The following UGT2A2 variants were observed in gnomAD, a reference collection of about 807,000 sequenced individuals.
UGT2A2 encodes UDP-glucuronosyltransferase 2A2.
A neutral mutation model predicts 50.7 loss-of-function variants in UGT2A2; 60 were observed. That is an observed-to-expected ratio of 1.18 (90% CI 0.96 to 1.47). The LOEUF (loss-of-function observed/expected upper bound fraction) is 1.47, where lower values mean the gene tolerates loss of function less well. Among genes scored for constraint, UGT2A2 ranks in the 40% most tolerant of loss-of-function variants. The pLI is 0.00. For synonymous variants in UGT2A2, 242 were observed against 214.6 expected (o/e 1.13, Z -1.11); for missense variants, 762 against 634.0 (o/e 1.20, Z -2.17).
intron 1 of UGT2A2, among the ~76,000 whole-genome samples, chr4:69,628,463 G>A (rs1419089054): frequency 6.6e-6 from 1 of 151,546 alleles, no homozygotes; most frequent in Non-Finnish European, 1.5e-5. Flanking sequence ...TGGTCAGCTG[G>A]TCTTTCAACA....
At chr4:69,610,286 T>C (rs1013563920) in intron 1 of UGT2A2, among the ~76,000 whole-genome samples, 3 of 152,150 alleles carry the variant, frequency 2.0e-5, no homozygotes, top group Non-Finnish European at 2.9e-5. Flanking sequence ...CTTATGTCTC[T>C]AGTATGAAGC....
chr4:69,622,393 C>T (rs990766128), intron 1 of UGT2A2, among the ~76,000 whole-genome samples: 8 of 151,318 alleles, frequency 5.3e-5, no homozygotes, highest in Admixed American at 4.0e-4. Flanking sequence ...GGAAAAAATA[C>T]GAATTATTTA....
intron 1 of UGT2A2, among the ~76,000 whole-genome samples, chr4:69,627,345 T>A (rs1288253443): frequency 6.6e-6 from 1 of 151,800 alleles, no homozygotes; most frequent in African/African-American, 2.4e-5. Flanking sequence ...ATTAAAACAG[T>A]ACTACTAGAC....
At chr4:69,598,468 T>A (rs1719065108) in intron 2 of UGT2A2, among the ~76,000 whole-genome samples, 1 of 152,112 alleles carries the variant, frequency 6.6e-6, no homozygotes, top group African/African-American at 2.4e-5. Flanking sequence ...TATTGTAGCA[T>A]ACAATTTCCT....
Position 69,596,313 on chromosome 4 carries a change from G to A in UGT2A2, c.960C>T (p.Val320=), listed in dbSNP as rs1230146326. ...TGGCCTTTTCTTCTGTAAGGTTTTTGACCATTGATCCCAGAGAAAACACCA... is the reference window on the plus strand; with the variant it reads ...TGGCCTTTTCTTCTGTAAGGTTTTTAACCATTGATCCCAGAGAAAACACCA... ...GVVVFSLGSM[V]KNLTEEKANL... is the part of the protein sequence containing the mutation. The change falls in exon 3 of 6, where the codon GTC becomes GTT. Residue 320 remains valine (V), a synonymous_variant. Transcript: ENST00000604629. 1 of 1,608,352 alleles carries A rather than the reference G, an allele frequency of 6.2e-7. No individual in the cohort carries two copies. The highest frequency in any genetic ancestry group is 8.5e-7 in the Non-Finnish European group (1 of 1,176,612).
chr4:69,632,089 C>T (rs1033497070), intron 1 of UGT2A2, among the ~76,000 whole-genome samples: 5 of 152,074 alleles, frequency 3.3e-5, no homozygotes, highest in African/African-American at 9.6e-5. Flanking sequence ...AAGAGATTCA[C>T]GAAAATGAAA....
chr4:69,596,519 G>C (rs867326557), intron 2 of UGT2A2, 138 bp from the exon 3 acceptor site: 9 of 1,241,184 alleles, frequency 7.3e-6, no homozygotes, highest in African/African-American at 6.2e-5. Context: ...CATGTAGAAA[G>C]ATCTAGTTTC....
chr4:69,596,361 C>A lies in UGT2A2; in HGVS notation c.912G>T (p.Gln304His), dbSNP rs750566755. The A allele has an allele frequency of 6.2e-7, 1 of 1,600,336 alleles. No individual in the cohort carries two copies. Among genetic ancestry groups the A allele is most frequent in the Non-Finnish European group, 8.5e-7 (1 of 1,172,760 alleles). Residue 304 changes from glutamine (Q) to histidine (H), a missense_variant, in exon 3 of 6, where the codon CAG becomes CAT. Coordinates refer to ENST00000604629, the MANE Select transcript of UGT2A2 (RefSeq NM_001105677.2). The part of the protein sequence containing the change: ...PLPKEMEEFI[Q>H]SSGKNGVVVF... ...CCACAACACCATTTTTACCTGAGCT[C>A]TGGATAAATTCTTCCATTTCCTGCA...
At chr4:69,603,140 T>C (rs1002801394) in intron 1 of UGT2A2, among the ~76,000 whole-genome samples, 1 of 137,168 alleles carries the variant, frequency 7.3e-6, no homozygotes, top group Non-Finnish European at 1.6e-5. Flanking sequence ...CATAAACCTT[T>C]ACAATTGTTG....
In UGT2A2 at chr4:69,594,494, T is replaced by C; in HGVS notation, c.1314A>G (p.Thr438=). 6.2e-7 allele frequency: 1 copy of C among 1,614,180 alleles called. No homozygotes were observed. Among genetic ancestry groups the C allele is most frequent in the East Asian group, 2.2e-5 (1 of 44,870 alleles). The stretch of plus-strand genomic sequence containing the variant: ...GTACTTACGAAGGTTCATTAATGAC[T>C]GTTCTCAAAGCGCTAAGCAAATCCA... The part of the protein sequence containing the change: ...TSVDLLSALR[T]VINEPSYKEN... Residue 438 remains threonine, a synonymous_variant, in exon 5 of 6, where the codon ACA becomes ACG. Transcript: ENST00000604629.
At chr4:69,638,428 T>G (rs1047585763) in intron 1 of UGT2A2, among the ~76,000 whole-genome samples, 1 of 152,104 alleles carries the variant, frequency 6.6e-6, no homozygotes, top group Non-Finnish European at 1.5e-5. Context: ...TGTGTAAAGA[T>G]AGAGAGACAG....
At chr4:69,592,520 A>C (rs529967199) in intron 5 of UGT2A2, among the ~76,000 whole-genome samples, 31 of 152,328 alleles carry the variant, frequency 2.0e-4, no homozygotes, top group Non-Finnish European at 3.5e-4. Flanking sequence ...GGAAGTGATA[A>C]GGAGATAGGT....
chr4:69,625,552 T>G (rs542197267), intron 1 of UGT2A2, among the ~76,000 whole-genome samples: 1 of 151,350 alleles, frequency 6.6e-6, no homozygotes, highest in Non-Finnish European at 1.5e-5. Flanking sequence ...TACTATCCAA[T>G]GTATTTTTAA....
chr4:69,626,643 A>C (rs1721074929), intron 1 of UGT2A2, among the ~76,000 whole-genome samples: 1 of 148,968 alleles, frequency 6.7e-6, no homozygotes. Context: ...TGAAAGCAGA[A>C]GATAAAAAAT....
intron 1 of UGT2A2, among the ~76,000 whole-genome samples, chr4:69,600,728 A>G (rs1719233773): frequency 6.6e-6 from 1 of 152,082 alleles, no homozygotes; most frequent in Non-Finnish European, 1.5e-5. Flanking sequence ...TAATCATGGC[A>G]GAAGGCAACA....
rs947939024 is a variant in UGT2A2, at chr4:69,596,599, T to G, written c.892-218A>C. 5.9e-5 allele frequency among the ~76,000 whole-genome samples: 9 copies of G among 152,302 alleles called. No individual in the cohort carries two copies. In the East Asian group the frequency reaches 1.5e-3, roughly 26 times the overall value. On this transcript the variant is annotated intron_variant, in intron 2 of 5. Coordinates refer to ENST00000604629, the MANE Select transcript of UGT2A2 (RefSeq NM_001105677.2). ...GCGCAGTGGCATGATCTCTGCTCAC[T>G]GCAACCTCACCTCCCCGGTTCAAGT... is the stretch of plus-strand genomic sequence containing the variant.
chr4:69,626,291 A>T (rs911611910), intron 1 of UGT2A2, among the ~76,000 whole-genome samples: 2 of 151,428 alleles, frequency 1.3e-5, no homozygotes, highest in African/African-American at 4.8e-5. Flanking sequence ...TTATTCCACC[A>T]AAGAGGCCAT....
chr4:69,592,752 G>A (rs1450318107), intron 5 of UGT2A2, among the ~76,000 whole-genome samples: 2 of 151,798 alleles, frequency 1.3e-5, no homozygotes, highest in Non-Finnish European at 2.9e-5. Context: ...AGACTAAACT[G>A]GTGCTCCAGA....
At chr4:69,600,994 A>G (rs950259860) in intron 1 of UGT2A2, among the ~76,000 whole-genome samples, 1 of 152,062 alleles carries the variant, frequency 6.6e-6, no homozygotes, top group Non-Finnish European at 1.5e-5. Flanking sequence ...GATCTAAACC[A>G]TCTCAGTGGG....
Sources: allele counts gnomAD v4.1 joint callset (sites outside exome capture counted in the v4.1 genomes callset), GRCh38; gene constraint gnomAD v4.1.1; transcripts MANE v1.5; gene names NCBI Gene and HGNC (gene_info 2026-07-23, HGNC 2026-07-21).